The following FUT9 variants were observed in gnomAD, a reference collection of about 807,000 sequenced individuals.
FUT9 encodes the protein fucosyltransferase 9, also known as 4-galactosyl-N-acetylglucosaminide 3-alpha-L-fucosyltransferase 9.
A neutral mutation model predicts 29.7 loss-of-function variants in FUT9; 15 were observed. The observed-to-expected ratio is 0.51, with a 90% CI of 0.34 to 0.78. The LOEUF is 0.78. Among genes scored for constraint, FUT9 ranks in the 30% least tolerant of loss-of-function variants. FUT9 has a pLI of 0.01. For synonymous variants in FUT9, 169 were observed against 153.7 expected, an observed-to-expected ratio of 1.10 and a Z score of -0.74; for missense variants, 319 against 425.4, an observed-to-expected ratio of 0.75 and a Z score of 2.20.
chr6:96,020,446 A>G (rs1770048006), intron 1 of FUT9, among the ~76,000 whole-genome samples: 1 of 152,136 alleles, frequency 6.6e-6, no homozygotes, highest in Admixed American at 6.6e-5. Context: ...TAGACTGTGA[A>G]TAACTCAGGT....
chr6:96,166,557 G>A (rs368924103), intron 2 of FUT9, among the ~76,000 whole-genome samples: 4 of 152,132 alleles, frequency 2.6e-5, no homozygotes, highest in South Asian at 2.1e-4. Flanking sequence ...GAAAGTAAGC[G>A]CCATTAATTC....
intron 1 of FUT9, among the ~76,000 whole-genome samples, chr6:96,063,965 G>A (rs572800655): frequency 6.6e-6 from 1 of 152,148 alleles, no homozygotes; most frequent in Non-Finnish European, 1.5e-5. Flanking sequence ...ATGAGACAAT[G>A]ATTTGAATGA....
At chr6:96,195,720 G>A (rs542690051) in intron 2 of FUT9, among the ~76,000 whole-genome samples, 18 of 152,136 alleles carry the variant, frequency 1.2e-4, no homozygotes, top group African/African-American at 4.3e-4. Context: ...CGTGTTCTTA[G>A]CATAAAAATT....
intron 1 of FUT9, among the ~76,000 whole-genome samples, chr6:96,094,237 T>C (rs777541247): frequency 2.0e-5 from 3 of 152,138 alleles, no homozygotes; most frequent in Admixed American, 1.3e-4. Flanking sequence ...CATGATGAAA[T>C]CTCATGCCAT....
chr6:96,196,300 C>G (rs1234170050), intron 2 of FUT9, among the ~76,000 whole-genome samples: 1 of 151,988 alleles, frequency 6.6e-6, no homozygotes, highest in African/African-American at 2.4e-5. Context: ...TACATGGGAG[C>G]CTTCAGAATT....
At chr6:96,016,647 T>G (rs1354248002) in intron 1 of FUT9, among the ~76,000 whole-genome samples, 1 of 152,050 alleles carries the variant, frequency 6.6e-6, no homozygotes, top group East Asian at 1.9e-4. Flanking sequence ...TGACCCACCT[T>G]CTCTCCTTTC....
chr6:96,124,153 CTT>C (rs35122970), intron 2 of FUT9, among the ~76,000 whole-genome samples: 67 of 124,994 alleles, frequency 5.4e-4, no homozygotes, highest in East Asian at 2.1e-3. Context: ...TTTCTTTTTT[CTT>C]TTTTTTTTTT....
chr6:96,189,233 C>T (rs1773460940), intron 2 of FUT9, among the ~76,000 whole-genome samples: 1 of 151,960 alleles, frequency 6.6e-6, no homozygotes, highest in Non-Finnish European at 1.5e-5. Flanking sequence ...GAGGTGAGGG[C>T]TGGTGGAGCA....
chr6:96,022,872 G>T (rs544201742), intron 1 of FUT9, among the ~76,000 whole-genome samples: 2 of 151,926 alleles, frequency 1.3e-5, no homozygotes, highest in Admixed American at 6.6e-5. Flanking sequence ...CCTGGTACGT[G>T]TATATCCTGT....
At chr6:96,057,793 G>A (rs566415541) in intron 1 of FUT9, among the ~76,000 whole-genome samples, 4 of 152,238 alleles carry the variant, frequency 2.6e-5, no homozygotes, top group Non-Finnish European at 4.4e-5. Flanking sequence ...GAGGACTTAG[G>A]AAGTTTTGAT....
At chr6:96,030,185 A>G (rs1041626805) in intron 1 of FUT9, among the ~76,000 whole-genome samples, 1 of 151,648 alleles carries the variant, frequency 6.6e-6, no homozygotes, top group Non-Finnish European at 1.5e-5. Flanking sequence ...ACAGCAGAAC[A>G]TGGAAGAAAA....
Position 96,055,690 on chromosome 6 carries a change from T to C in FUT9, c.-98+39478T>C, listed in dbSNP as rs1359820175. ...TTGTTTTTTGTTTTCGTTTTTGTTT[T>C]TGTTTTCTATTTCTTTTTCTTTTTT... On this transcript the variant is annotated intron_variant, in intron 1 of 2. Transcript: ENST00000302103. Among the ~76,000 whole-genome samples, 6 of 143,920 alleles carry C rather than the reference T, an allele frequency of 4.2e-5. No individual in the cohort carries two copies. The South Asian group carries it at 9.1e-4, about 22-fold the overall frequency. 94.4% of individuals were successfully genotyped at this position (143,920 alleles called of 152,430 possible).
intron 1 of FUT9, among the ~76,000 whole-genome samples, chr6:96,095,933 C>T (rs1436106428): frequency 6.6e-6 from 1 of 152,102 alleles, no homozygotes; most frequent in Non-Finnish European, 1.5e-5. Flanking sequence ...TGTCATATTA[C>T]ATGATGTGAT....
Position 96,204,264 on chromosome 6 carries a change from A to G in FUT9, c.*29A>G, listed in dbSNP as rs149412113. 385 of 1,380,714 alleles carry G rather than the reference A, an allele frequency of 2.8e-4. 2 individuals carry two copies. In the African/African-American group the frequency reaches 5.0e-3, roughly 18 times the overall value. 85.5% of individuals were successfully genotyped at this position (1,380,714 alleles called of 1,614,324 possible). On this transcript the variant is annotated 3_prime_UTR_variant, in exon 3 of 3. Transcript: ENST00000302103. ...TTTTCATCACTTGCACACTTGATAA[A>G]TATTTTGATGAGATATCATCCAAGT...
intron 1 of FUT9, among the ~76,000 whole-genome samples, chr6:96,096,684 A>ACGTGTGTGTGTGTGTGTGTG (rs113198716): frequency 2.1e-5 from 3 of 140,766 alleles, no homozygotes; most frequent in African/African-American, 8.1e-5. Context: ...TGTCTAAGGC[A>ACGTGTGTGTGTGTGTGTGTG]TGTGTGTGTG....
At chr6:96,027,190 A>G (rs1024241656) in intron 1 of FUT9, among the ~76,000 whole-genome samples, 1 of 151,674 alleles carries the variant, frequency 6.6e-6, no homozygotes, top group African/African-American at 2.4e-5. Context: ...TTAAGATTTT[A>G]TATCGCTTTT....
chr6:96,104,963 A>T (rs2127958203), intron 1 of FUT9, among the ~76,000 whole-genome samples: 1 of 152,346 alleles, frequency 6.6e-6, no homozygotes, highest in South Asian at 2.1e-4. Context: ...AAGAACAAAG[A>T]TAAAGAGTCA....
intron 1 of FUT9, among the ~76,000 whole-genome samples, chr6:96,077,932 G>A (rs1195568238): frequency 6.6e-6 from 1 of 152,096 alleles, no homozygotes; most frequent in Non-Finnish European, 1.5e-5. Flanking sequence ...TTTATCCCTA[G>A]CGTTCCGAAA....
chr6:96,158,123 TATA>T (rs1227443788), intron 2 of FUT9, among the ~76,000 whole-genome samples: 2 of 152,336 alleles, frequency 1.3e-5, no homozygotes, highest in East Asian at 3.9e-4. Flanking sequence ...TAGTGGTTAC[TATA>T]ATGTTTACAA....
Sources: allele counts gnomAD v4.1 joint callset (sites outside exome capture counted in the v4.1 genomes callset), GRCh38; gene constraint gnomAD v4.1.1; transcripts MANE v1.5; gene names NCBI Gene and HGNC (gene_info 2026-07-23, HGNC 2026-07-21).